KIF25: variants seen among roughly 807,000 people sequenced by gnomAD.
KIF25 encodes the protein kinesin family member 25, also known as kinesin-like protein KIF25.
Under a neutral mutation model 32.9 loss-of-function variants are expected in KIF25, and 19 were observed. The observed-to-expected ratio is 0.58, with a 90% CI of 0.40 to 0.85. KIF25 has a LOEUF of 0.85. Among genes scored for constraint, KIF25 ranks in the 40% least tolerant of loss-of-function variants. KIF25 has a pLI of 0.00. For missense variants in KIF25, 485 were observed against 507.0 expected (o/e 0.96, Z 0.42); for synonymous variants, 225 against 213.7 (o/e 1.05, Z -0.46).
chr6:168,015,013 G>A (rs1309590505), intron 4 of KIF25, among the ~76,000 whole-genome samples: 1 of 152,172 alleles, frequency 6.6e-6, no homozygotes. Flanking sequence ...TTTTTCTGGT[G>A]GTGCTTGGCA....
intron 5 of KIF25, among the ~76,000 whole-genome samples, chr6:168,019,991 G>T (rs1238658282): frequency 2.0e-5 from 3 of 152,160 alleles, no homozygotes; most frequent in African/African-American, 7.2e-5. Flanking sequence ...AATTAGCTGG[G>T]TATGGTGGTG....
At chr6:168,031,137 G>A (rs1006597178) in intron 7 of KIF25, among the ~76,000 whole-genome samples, 3 of 152,180 alleles carry the variant, frequency 2.0e-5, no homozygotes, top group Non-Finnish European at 4.4e-5. Context: ...GCCTGTGAGT[G>A]CAGCTGCCAT....
At chr6:168,013,061 C>T (rs867141679) in intron 4 of KIF25, among the ~76,000 whole-genome samples, 1 of 151,834 alleles carries the variant, frequency 6.6e-6, no homozygotes, top group Admixed American at 6.6e-5. Flanking sequence ...GGCTGAGAAA[C>T]GGGGCTGTTT....
intron 5 of KIF25, 36 bp from the exon 6 acceptor site, chr6:168,029,456 A>T: frequency 1.4e-6 from 2 of 1,413,638 alleles, no homozygotes; most frequent in Non-Finnish European, 1.9e-6. Context: ...TGGTCGTGGT[A>T]ATACTGTTAC....
chr6:168,015,686 T>C (rs1798703480), intron 4 of KIF25, among the ~76,000 whole-genome samples: 1 of 152,194 alleles, frequency 6.6e-6, no homozygotes, highest in African/African-American at 2.4e-5. Flanking sequence ...CTTGTGAGAT[T>C]AAGGGTATTT....
At chr6:168,006,562 C>T (rs749011384) in intron 4 of KIF25, among the ~76,000 whole-genome samples, 8 of 152,142 alleles carry the variant, frequency 5.3e-5, no homozygotes, top group Admixed American at 2.0e-4. Context: ...TTTCTGTGTA[C>T]GTTACAAAGT....
chr6:168,033,644 G>A (rs779112042), intron 7 of KIF25, among the ~76,000 whole-genome samples: 3 of 152,166 alleles, frequency 2.0e-5, no homozygotes, highest in Non-Finnish European at 2.9e-5. Context: ...ATGAACCCAC[G>A]CTGTGTGTGT....
intron 5 of KIF25, among the ~76,000 whole-genome samples, chr6:168,023,559 T>A (rs181805599): frequency 4.6e-5 from 7 of 152,130 alleles, no homozygotes; most frequent in Admixed American, 1.3e-4. Flanking sequence ...TGAGCCACCA[T>A]GCTGGCTAAT....
At chr6:168,028,329 C>A (rs1798893583) in intron 5 of KIF25, among the ~76,000 whole-genome samples, 1 of 152,096 alleles carries the variant, frequency 6.6e-6, no homozygotes, top group South Asian at 2.1e-4. Flanking sequence ...GGATTACAGG[C>A]GTGAGCCATC....
intron 12 of KIF25, among the ~76,000 whole-genome samples, 186 bp downstream of exon 12, chr6:168,042,902 T>G (rs1197678395): frequency 6.6e-6 from 1 of 152,168 alleles, no homozygotes; most frequent in East Asian, 1.9e-4. Flanking sequence ...CACCTTGGCC[T>G]GATTGTGTGC....
intron 2 of KIF25, among the ~76,000 whole-genome samples, chr6:167,999,948 A>C (rs1246702773): frequency 1.3e-3 from 113 of 83,824 alleles, no homozygotes; most frequent in East Asian, 1.5e-3. Context: ...ACCACACCTG[A>C]CCCTCCCCAC....
At chr6:168,010,373 C>T (rs144640879) in intron 4 of KIF25, among the ~76,000 whole-genome samples, 12 of 151,904 alleles carry the variant, frequency 7.9e-5, no homozygotes, top group Admixed American at 1.3e-4. Flanking sequence ...TCTTAATTTC[C>T]GCCTTCATCC....
chr6:168,005,845 A>G lies in KIF25; in HGVS notation c.-163+2142A>G, dbSNP rs779860151. Among the ~76,000 whole-genome samples the G allele has an allele frequency of 2.0e-5, 3 of 152,190 alleles. 1 individual carries two copies. The highest frequency in any genetic ancestry group is 3.9e-4 in the East Asian group (2 of 5,194). ...TGCCTTTCTCACCCCACTGACTCCAATGTTAATTTCCTTTGGCAACAGCCT... is the reference window on the plus strand; with the variant it reads ...TGCCTTTCTCACCCCACTGACTCCAGTGTTAATTTCCTTTGGCAACAGCCT... On this transcript the variant is annotated intron_variant, in intron 4 of 12. Coordinates refer to ENST00000643607, the MANE Select transcript of KIF25 (RefSeq NM_030615.4).
At chr6:168,027,716 C>T (rs1419098956) in intron 5 of KIF25, among the ~76,000 whole-genome samples, 3 of 152,114 alleles carry the variant, frequency 2.0e-5, no homozygotes, top group Admixed American at 1.3e-4. Flanking sequence ...CTCCACATCC[C>T]CACGGAGCAC....
intron 11 of KIF25, among the ~76,000 whole-genome samples, 189 bp downstream of exon 11, chr6:168,042,340 T>C (rs1159097905): frequency 2.0e-5 from 3 of 152,100 alleles, no homozygotes; most frequent in Non-Finnish European, 4.4e-5. Context: ...CCGAGAGTCG[T>C]GTTCCTCACA....
intron 11 of KIF25, 110 bp from the exon 12 acceptor site, chr6:168,042,451 A>T: frequency 1.5e-6 from 2 of 1,361,784 alleles, no homozygotes; most frequent in Non-Finnish European, 2.0e-6. Context: ...TGTCCCGTCC[A>T]TGGCCTCCCC....
chr6:168,017,252 T>A (rs1487657925), intron 4 of KIF25, among the ~76,000 whole-genome samples: 1 of 152,220 alleles, frequency 6.6e-6, no homozygotes, highest in African/African-American at 2.4e-5. Context: ...CATCCTAGCA[T>A]CCGCTAAACA....
intron 5 of KIF25, among the ~76,000 whole-genome samples, chr6:168,023,392 C>T (rs1798814962): frequency 6.6e-6 from 1 of 151,692 alleles, no homozygotes; most frequent in Non-Finnish European, 1.5e-5. Flanking sequence ...CTCAGCCTCC[C>T]AAGTAGCTGA....
intron 7 of KIF25, 117 bp downstream of exon 7, chr6:168,030,964 G>A: frequency 4.0e-6 from 3 of 758,370 alleles, no homozygotes; most frequent in South Asian, 4.0e-5. Flanking sequence ...CAGCACTGCA[G>A]AGCATGCCCA....
Sources: gnomAD v4.1 joint callset for allele counts (sites outside exome capture counted in the v4.1 genomes callset) on GRCh38, gnomAD v4.1.1 for gene constraint, MANE v1.5 for transcripts, NCBI Gene and HGNC (gene_info 2026-07-23, HGNC 2026-07-21) for gene names.